Variants in DPH6 observed in about 807,000 individuals in gnomAD.
DPH6 encodes diphthine--ammonia ligase.
In DPH6, 33 loss-of-function variants were observed where a neutral mutation model predicts 38.2. That is an observed-to-expected ratio of 0.86 (90% CI 0.65 to 1.15). DPH6 has a LOEUF of 1.15. Among genes scored for constraint, DPH6 ranks in the 50% most tolerant of loss-of-function variants. DPH6 has a pLI of 0.00. For missense variants in DPH6, 325 were observed against 320.0 expected (o/e 1.02, Z -0.12); for synonymous variants, 108 against 103.0 (o/e 1.05, Z -0.30).
chr15:35,519,051 C>G (rs2054885442), intron 3 of DPH6: 1 of 151,838 alleles, frequency 6.6e-6, no homozygotes, highest in Non-Finnish European at 1.5e-5. Context: ...TAATCCATAA[C>G]ATTTTTCTCT....
intron 6 of DPH6, among the ~76,000 whole-genome samples, chr15:35,398,910 T>G (rs2053181950): frequency 1.3e-5 from 2 of 152,146 alleles, no homozygotes; most frequent in Admixed American, 1.3e-4. Context: ...ACACATCTGG[T>G]GTCACAAGTG....
intron 3 of DPH6, among the ~76,000 whole-genome samples, chr15:35,507,070 A>G (rs963480752): frequency 1.3e-5 from 2 of 152,158 alleles, no homozygotes; most frequent in Non-Finnish European, 2.9e-5. Context: ...ATTTTAAAGT[A>G]CAAACAAAAT....
the DPH6 span, among the ~76,000 whole-genome samples, chr15:35,197,960 T>A: frequency 4.6e-5 from 7 of 152,118 alleles, no homozygotes; most frequent in African/African-American, 1.7e-4. Context: ...CCTTTTTGCA[T>A]AGACGACTAG....
At chr15:35,177,580 CAAAAAAA>C in the DPH6 span, among the ~76,000 whole-genome samples, 1,662 of 60,228 alleles carry the variant, frequency 0.028, 23 homozygotes, top group Middle Eastern at 0.13. Flanking sequence ...ATCCCATCTC[CAAAAAAA>C]AAAAAAAAAA....
the DPH6 span, among the ~76,000 whole-genome samples, chr15:35,160,044 G>A: frequency 1.3e-5 from 2 of 152,048 alleles, no homozygotes; most frequent in Non-Finnish European, 2.9e-5. Context: ...GAGAATACAA[G>A]AAGGGAGAAG....
chr15:35,240,892 T>C (rs1353445354), intron 3 of DPH6, among the ~76,000 whole-genome samples: 1 of 143,376 alleles, frequency 7.0e-6, no homozygotes, highest in East Asian at 2.2e-4. Flanking sequence ...TAACCTCGCC[T>C]TCAAGGTGTA....
At chr15:35,527,143 G>A (rs1032837594) in intron 3 of DPH6, among the ~76,000 whole-genome samples, 5 of 151,960 alleles carry the variant, frequency 3.3e-5, no homozygotes, top group Admixed American at 2.0e-4. Context: ...ATGCCCACTT[G>A]TAACTACCAC....
At chr15:35,397,191 C>G (rs1341875941) in intron 6 of DPH6, among the ~76,000 whole-genome samples, 1 of 152,206 alleles carries the variant, frequency 6.6e-6, no homozygotes, top group African/African-American at 2.4e-5. Flanking sequence ...TCTTACAGCA[C>G]CCAGCAGAGT....
chr15:35,517,089 T>G (rs1437392676), intron 3 of DPH6, among the ~76,000 whole-genome samples: 1 of 152,178 alleles, frequency 6.6e-6, no homozygotes, highest in African/African-American at 2.4e-5. Context: ...GCTATTTTTT[T>G]CAGGTTTAAT....
At chr15:35,404,922 A>C (rs997412480) in intron 6 of DPH6, among the ~76,000 whole-genome samples, 2 of 152,110 alleles carry the variant, frequency 1.3e-5, no homozygotes, top group Non-Finnish European at 2.9e-5. Flanking sequence ...GAGAGGGATC[A>C]AGTTTTATTT....
chr15:35,161,046 C>T, the DPH6 span, among the ~76,000 whole-genome samples: 10 of 151,764 alleles, frequency 6.6e-5, no homozygotes, highest in Admixed American at 2.0e-4. Context: ...TGCTAAATGA[C>T]GAGTTAATGG....
intron 3 of DPH6, among the ~76,000 whole-genome samples, chr15:35,306,304 C>T (rs1407736394): frequency 6.6e-6 from 1 of 152,138 alleles, no homozygotes; most frequent in African/African-American, 2.4e-5. Flanking sequence ...ATACATTTCC[C>T]ACCAAGGGAA....
intron 5 of DPH6, among the ~76,000 whole-genome samples, chr15:35,427,256 G>C (rs2053581248): frequency 6.6e-6 from 1 of 151,912 alleles, no homozygotes; most frequent in Admixed American, 6.6e-5. Context: ...TGGGGTAGTA[G>C]TAGAGAGCAA....
intron 3 of DPH6, among the ~76,000 whole-genome samples, chr15:35,317,273 GAA>G (rs34564756): frequency 0.27 from 37,629 of 141,798 alleles, 4,912 homozygotes; most frequent in South Asian, 0.43. Flanking sequence ...AAGAAAGAAA[GAA>G]AGAGAGAGAG....
intron 3 of DPH6, chr15:35,490,182 C>T: frequency 1.0e-6 from 1 of 985,206 alleles, no homozygotes; most frequent in Non-Finnish European, 1.2e-6. Flanking sequence ...ATTCCTGTGG[C>T]TCTTTCTTAC....
chr15:35,188,540 G>T, the DPH6 span, among the ~76,000 whole-genome samples: 9 of 152,152 alleles, frequency 5.9e-5, no homozygotes, highest in African/African-American at 2.2e-4. Flanking sequence ...AAATGTACTT[G>T]ACTTCCTTTC....
chr15:35,364,542 T>G (rs2052640877), intron 3 of DPH6, among the ~76,000 whole-genome samples: 1 of 152,094 alleles, frequency 6.6e-6, no homozygotes, highest in African/African-American at 2.4e-5. Context: ...TCCACTTTTA[T>G]TCTTGAAGGA....
intron 6 of DPH6, chr15:35,400,690 C>G: frequency 1.5e-6 from 1 of 656,246 alleles, no homozygotes; most frequent in Non-Finnish European, 2.8e-6. Flanking sequence ...CCCCTGCCAT[C>G]ATGTCTAAGT....
At chr15:35,147,718 A>T in the DPH6 span, among the ~76,000 whole-genome samples, 1 of 152,268 alleles carries the variant, frequency 6.6e-6, no homozygotes, top group Non-Finnish European at 1.5e-5. Flanking sequence ...AATCTGAATT[A>T]TCTGTGGGTA....
Sources: gnomAD v4.1 joint callset for allele counts (sites outside exome capture counted in the v4.1 genomes callset) on GRCh38, gnomAD v4.1.1 for gene constraint, MANE v1.5 for transcripts, NCBI Gene and HGNC (gene_info 2026-07-23, HGNC 2026-07-21) for gene names.